The following EIF2B3 variants were observed in gnomAD, a reference collection of about 807,000 sequenced individuals.
EIF2B3 encodes the protein eukaryotic translation initiation factor 2B subunit gamma.
A neutral mutation model predicts 54.1 loss-of-function variants in EIF2B3; 20 were observed. The ratio of observed to expected loss-of-function variants is 0.37; its 90% CI spans 0.26 to 0.54. EIF2B3 has a LOEUF of 0.54. Ranked by LOEUF, EIF2B3 falls within the 20% of genes least tolerant of loss-of-function variation. EIF2B3 has a pLI of 0.86. For synonymous variants in EIF2B3, 153 were observed against 188.1 expected (o/e 0.81, Z 1.52); for missense variants, 448 against 547.8 (o/e 0.82, Z 1.82).
rs3044260 is a variant in EIF2B3 at position 44,888,473 on chromosome 1, A to ATCTCTC, written c.657-6740_657-6735dup. Reference sequence around the variant, plus strand: ...TGCCAGTCAGACTTATGGCTTCTCAATCTCTCTCTCTCTCTCTCTCTCTCT... The same window carrying ATCTCTC: ...TGCCAGTCAGACTTATGGCTTCTCAATCTCTCTCTCTCTCTCTCTCTCTCTCTCTCT... On this transcript the variant is annotated intron_variant, in intron 6 of 11. Transcript: ENST00000360403. 7.3e-3 allele frequency among the ~76,000 whole-genome samples: 1,051 copies of ATCTCTC among 144,516 alleles called. 13 individuals carry two copies. The highest frequency in any genetic ancestry group is 0.044 in the South Asian group (194 of 4,448). 94.8% of individuals were successfully genotyped at this position (144,516 alleles called of 152,430 possible).
intron 5 of EIF2B3, among the ~76,000 whole-genome samples, chr1:44,898,198 C>G (rs1656042528): frequency 6.6e-6 from 1 of 152,094 alleles, no homozygotes; most frequent in Non-Finnish European, 1.5e-5. Flanking sequence ...ATGAATAATC[C>G]TAACTTGCTA....
At chr1:44,856,351 C>A (rs1183401122) in intron 11 of EIF2B3, among the ~76,000 whole-genome samples, 1 of 151,586 alleles carries the variant, frequency 6.6e-6, no homozygotes, top group African/African-American at 2.4e-5. Context: ...CCTGTCTCTA[C>A]TAAAAACACA....
chr1:44,887,147 T>C (rs1655616233), intron 6 of EIF2B3, among the ~76,000 whole-genome samples: 2 of 152,178 alleles, frequency 1.3e-5, no homozygotes, highest in African/African-American at 4.8e-5. Flanking sequence ...CAAACTAGGT[T>C]TGGAAGTCAC....
chr1:44,982,750 AC>A (rs1644528165), intron 1 of EIF2B3, among the ~76,000 whole-genome samples: 1 of 146,840 alleles, frequency 6.8e-6, no homozygotes, highest in Non-Finnish European at 1.5e-5. Flanking sequence ...ACAGGTGGGT[AC>A]CACCATGCCT....
intron 5 of EIF2B3, among the ~76,000 whole-genome samples, chr1:44,909,687 T>C (rs1391377173): frequency 6.6e-6 from 1 of 152,198 alleles, no homozygotes; most frequent in Admixed American, 6.5e-5. Flanking sequence ...AAGAATACAC[T>C]GGACAAGATA....
chr1:44,904,675 G>A (rs1345300287), intron 5 of EIF2B3, among the ~76,000 whole-genome samples: 2 of 152,048 alleles, frequency 1.3e-5, no homozygotes, highest in Admixed American at 6.6e-5. Context: ...CACCGTGCCC[G>A]GCTAATTTTT....
intron 3 of EIF2B3, among the ~76,000 whole-genome samples, chr1:44,961,944 C>T (rs1008523378): frequency 2.6e-5 from 4 of 152,150 alleles, no homozygotes; most frequent in African/African-American, 4.8e-5. Flanking sequence ...GTAATCCCAG[C>T]ACTTTGGGAG....
At chr1:44,934,734 A>AC (rs1479452721) in intron 4 of EIF2B3, among the ~76,000 whole-genome samples, 1 of 152,032 alleles carries the variant, frequency 6.6e-6, no homozygotes, top group Non-Finnish European at 1.5e-5. Flanking sequence ...TGAATTCCTG[A>AC]CCTCAGGTGA....
chr1:44,965,079 A>C (rs556660592), intron 3 of EIF2B3, among the ~76,000 whole-genome samples: 2 of 152,254 alleles, frequency 1.3e-5, no homozygotes, highest in African/African-American at 4.8e-5. Flanking sequence ...ACCTTTACTT[A>C]ACAACACTTC....
At chr1:44,956,014 G>A (rs1644220065) in intron 3 of EIF2B3, among the ~76,000 whole-genome samples, 1 of 152,122 alleles carries the variant, frequency 6.6e-6, no homozygotes, top group African/African-American at 2.4e-5. Context: ...CCATTACTGG[G>A]TATATACCCA....
intron 5 of EIF2B3, among the ~76,000 whole-genome samples, chr1:44,922,591 C>CAAAAAAAAA (rs58626731): frequency 1.0e-4 from 9 of 87,530 alleles, no homozygotes; most frequent in African/African-American, 3.3e-4. Flanking sequence ...TGTCTCAAGA[C>CAAAAAAAAA]AAAAAAAAAA....
At chr1:44,863,821 T>A (rs1654686484) in intron 10 of EIF2B3, among the ~76,000 whole-genome samples, 1 of 152,266 alleles carries the variant, frequency 6.6e-6, no homozygotes, top group Non-Finnish European at 1.5e-5. Flanking sequence ...TGCAACTTGC[T>A]TTCCCCTCTT....
intron 1 of EIF2B3, among the ~76,000 whole-genome samples, chr1:44,984,532 G>A (rs1292866418): frequency 1.3e-5 from 2 of 152,206 alleles, no homozygotes; most frequent in East Asian, 3.9e-4. Flanking sequence ...GTGTGATCAG[G>A]GGCCTGACAT....
chr1:44,937,257 C>T (rs1301794650), intron 4 of EIF2B3: 2 of 152,174 alleles, frequency 1.3e-5, no homozygotes, highest in African/African-American at 4.8e-5. Flanking sequence ...CTTCACTTAC[C>T]TGGGGTGGGG....
chr1:44,984,199 A>T (rs1413604825), intron 1 of EIF2B3, among the ~76,000 whole-genome samples: 5 of 151,886 alleles, frequency 3.3e-5, no homozygotes, highest in Admixed American at 3.3e-4. Flanking sequence ...AAAATAAAAT[A>T]AAAAAGAGCC....
chr1:44,901,478 T>C (rs35700678), intron 5 of EIF2B3, among the ~76,000 whole-genome samples: 25,770 of 150,928 alleles, frequency 0.17, 2,287 homozygotes, highest in Non-Finnish European at 0.18. Flanking sequence ...CTCAAACTCC[T>C]GGCCCCAAGC....
chr1:44,978,226 G>T, intron 3 of EIF2B3, 89 bp downstream of exon 3: 2 of 1,498,304 alleles, frequency 1.3e-6, no homozygotes, highest in Non-Finnish European at 1.8e-6. Flanking sequence ...GCGAGGTTCT[G>T]TCTCAAAAAA....
chr1:44,899,028 C>G (rs1656074304), intron 5 of EIF2B3, among the ~76,000 whole-genome samples: 2 of 152,136 alleles, frequency 1.3e-5, no homozygotes, highest in Non-Finnish European at 2.9e-5. Context: ...ACCATGTTGC[C>G]TAGGCTAATC....
intron 3 of EIF2B3, among the ~76,000 whole-genome samples, chr1:44,975,602 G>A (rs924335940): frequency 3.9e-5 from 6 of 152,188 alleles, no homozygotes; most frequent in Non-Finnish European, 8.8e-5. Context: ...TATGTGGCCA[G>A]TCATTGACCA....
Sources: gnomAD v4.1 joint callset for allele counts (sites outside exome capture counted in the v4.1 genomes callset) on GRCh38, gnomAD v4.1.1 for gene constraint, MANE v1.5 for transcripts, NCBI Gene and HGNC (gene_info 2026-07-23, HGNC 2026-07-21) for gene names.